The following AUTS2 variants were observed in gnomAD, a reference collection of about 807,000 sequenced individuals.
AUTS2 encodes autism susceptibility gene 2 protein.
Under a neutral mutation model 112.4 loss-of-function variants are expected in AUTS2, and 17 were observed. The ratio of observed to expected loss-of-function variants is 0.15; its 90% confidence interval spans 0.10 to 0.23. AUTS2 has a LOEUF of 0.23. Among genes scored for constraint, AUTS2 ranks in the 10% least tolerant of loss-of-function variants. The probability of loss-of-function intolerance (pLI) is 1.00; values close to 1 mark genes in which losing one functional copy is unlikely to be tolerated. For missense variants in AUTS2, 1,510 were observed against 1,701.6 expected, an observed-to-expected ratio of 0.89 and a Z score of 1.98; for synonymous variants, 751 against 702.7, an observed-to-expected ratio of 1.07 and a Z score of -1.09.
At chr7:70,103,980 C>T (rs1292867061) in intron 2 of AUTS2, among the ~76,000 whole-genome samples, 1 of 151,280 alleles carries the variant, frequency 6.6e-6, no homozygotes, top group Non-Finnish European at 1.5e-5. Flanking sequence ...ACATTATTAT[C>T]ACAAAAATGA....
At chr7:69,610,209 A>T (rs1233652700) in intron 1 of AUTS2, among the ~76,000 whole-genome samples, 1 of 152,250 alleles carries the variant, frequency 6.6e-6, no homozygotes, top group Non-Finnish European at 1.5e-5. Context: ...TCCTATAAAT[A>T]ACACATGCGA....
At chr7:69,974,306 C>CT (rs1289882812) in intron 2 of AUTS2, among the ~76,000 whole-genome samples, 2 of 148,042 alleles carry the variant, frequency 1.4e-5, no homozygotes. Flanking sequence ...ATGTCTGTGT[C>CT]TTTTTTCTGT....
At chr7:70,541,854 T>A (rs1006659573) in intron 5 of AUTS2, among the ~76,000 whole-genome samples, 4 of 152,186 alleles carry the variant, frequency 2.6e-5, no homozygotes, top group Non-Finnish European at 4.4e-5. Context: ...GGATTAAAGT[T>A]TGAGGTAGGC....
chr7:69,827,763 T>A (rs1344843519), intron 1 of AUTS2, among the ~76,000 whole-genome samples: 3 of 152,240 alleles, frequency 2.0e-5, no homozygotes, highest in African/African-American at 4.8e-5. Flanking sequence ...CCTTATTTAC[T>A]GTACTTGAAC....
intron 4 of AUTS2, among the ~76,000 whole-genome samples, chr7:70,420,082 C>T (rs1795153737): frequency 6.6e-6 from 1 of 152,214 alleles, no homozygotes; most frequent in Non-Finnish European, 1.5e-5. Flanking sequence ...CGGCTTTCTA[C>T]ACCAGAGCGA....
In AUTS2 at chr7:70,118,227, C is replaced by T; in HGVS notation, c.618C>T (p.Leu206=). ...GFHRSSSRER[L]SDSSAPSSLG... ...ACCGGAGCAGCTCTCGGGAAAGGCT[C>T]AGTGATGTAAGTTTAAGTAAAAAAA... is the stretch of plus-strand genomic sequence containing the variant. The change falls in exon 3 of 19, where the codon CTC becomes CTT. Residue 206 remains leucine (L), a synonymous_variant. Coordinates refer to ENST00000342771, the MANE Select transcript of AUTS2 (RefSeq NM_015570.4). The T allele has an allele frequency of 6.6e-7, 1 of 1,516,378 alleles. No individual in the cohort carries two copies. The highest frequency in any genetic ancestry group is 8.8e-7 in the Non-Finnish European group (1 of 1,131,854). 93.9% of individuals were successfully genotyped at this position (1,516,378 alleles called of 1,614,324 possible). A position where few individuals can be genotyped will look rare whatever the true frequency, so the allele number is the denominator to read the frequency against.
rs2293498 is a variant in AUTS2 at position 70,787,542 on chromosome 7, C to T, written c.2531+111C>T. The T allele has an allele frequency of 1.0e-4, 76 of 743,694 alleles. 1 individual carries two copies. The highest frequency in any genetic ancestry group is 7.4e-4 in the Admixed American group (26 of 35,274). The allele number at this position is 743,694 out of a possible 1,614,324, so 46.1% of individuals were successfully genotyped here. On this transcript the variant is annotated intron_variant, in intron 18 of 18. Transcript: ENST00000342771. ...TCCCAGCCTCGTGCTTTAGCCGCCCCGGTAGCCTCAGCTCCTCCCCACAGC... is the reference window on the plus strand; with the variant it reads ...TCCCAGCCTCGTGCTTTAGCCGCCCTGGTAGCCTCAGCTCCTCCCCACAGC...
At chr7:70,662,223 G>A (rs959382536) in intron 5 of AUTS2, among the ~76,000 whole-genome samples, 5 of 152,248 alleles carry the variant, frequency 3.3e-5, no homozygotes, top group Non-Finnish European at 5.9e-5. Flanking sequence ...CAGTGGCAGC[G>A]TGCTTTGGGC....
intron 4 of AUTS2, among the ~76,000 whole-genome samples, chr7:70,144,530 T>G (rs1232851858): frequency 6.6e-6 from 1 of 152,086 alleles, no homozygotes; most frequent in East Asian, 1.9e-4. Flanking sequence ...AGAGGCATAA[T>G]AGAGTCACAA....
intron 1 of AUTS2, among the ~76,000 whole-genome samples, chr7:69,615,522 C>T (rs1039074235): frequency 1.3e-5 from 2 of 152,152 alleles, no homozygotes; most frequent in East Asian, 1.9e-4. Context: ...AGGTTGGTCT[C>T]GAACTCCTGA....
At chr7:69,779,050 TAAAAAAAA>T (rs1554368326) in intron 1 of AUTS2, among the ~76,000 whole-genome samples, 3 of 86,578 alleles carry the variant, frequency 3.5e-5, no homozygotes, top group East Asian at 3.9e-4. Context: ...TTTTTTTTTT[TAAAAAAAA>T]AAAAAAAAAA....
At chr7:69,709,695 C>A (rs979386718) in intron 1 of AUTS2, among the ~76,000 whole-genome samples, 2 of 152,164 alleles carry the variant, frequency 1.3e-5, no homozygotes, top group African/African-American at 4.8e-5. Flanking sequence ...AGAGATTTTC[C>A]TTCTCCTGAG....
chr7:70,542,718 T>G (rs2129505911), intron 5 of AUTS2, among the ~76,000 whole-genome samples: 1 of 152,296 alleles, frequency 6.6e-6, no homozygotes, highest in Non-Finnish European at 1.5e-5. Context: ...ATTTAGCAGA[T>G]GGGGCTCAAA....
At chr7:69,965,390 C>T (rs1294913147) in intron 2 of AUTS2, among the ~76,000 whole-genome samples, 1 of 152,162 alleles carries the variant, frequency 6.6e-6, no homozygotes. Flanking sequence ...CAGACTGTAG[C>T]TATGATTGAT....
intron 4 of AUTS2, among the ~76,000 whole-genome samples, chr7:70,273,747 G>A (rs1416767040): frequency 2.0e-5 from 3 of 152,036 alleles, no homozygotes; most frequent in Non-Finnish European, 4.4e-5. Context: ...ATGAAAAGTC[G>A]GCCCTCTGTA....
At chr7:70,216,908 A>G (rs1811194800) in intron 4 of AUTS2, among the ~76,000 whole-genome samples, 1 of 152,026 alleles carries the variant, frequency 6.6e-6, no homozygotes, top group Non-Finnish European at 1.5e-5. Flanking sequence ...CCTCATCTTT[A>G]TTTATTATTA....
At chr7:70,519,331 G>T (rs963669432) in intron 5 of AUTS2, among the ~76,000 whole-genome samples, 3 of 152,196 alleles carry the variant, frequency 2.0e-5, no homozygotes, top group Non-Finnish European at 4.4e-5. Context: ...TTGAGCCAAA[G>T]TTCTGCCCTT....
intron 5 of AUTS2, among the ~76,000 whole-genome samples, chr7:70,528,356 G>T (rs3113262): frequency 3.3e-5 from 5 of 151,848 alleles, no homozygotes; most frequent in South Asian, 4.2e-4. Context: ...TGCAGAGCAC[G>T]CTGAGCAGGT....
At chr7:69,687,982 G>T (rs1197486527) in intron 1 of AUTS2, among the ~76,000 whole-genome samples, 1 of 152,154 alleles carries the variant, frequency 6.6e-6, no homozygotes, top group East Asian at 1.9e-4. Context: ...TCTGAGTTAT[G>T]CGAGCAGTAA....
Sources: gnomAD v4.1 joint callset for allele counts (sites outside exome capture counted in the v4.1 genomes callset) on GRCh38, gnomAD v4.1.1 for gene constraint, MANE v1.5 for transcripts, NCBI Gene and HGNC (gene_info 2026-07-23, HGNC 2026-07-21) for gene names.